The following STXBP6 variants were observed in gnomAD, a reference collection of about 807,000 sequenced individuals.
The protein encoded by STXBP6 is syntaxin binding protein 6.
Under a neutral mutation model 26.9 loss-of-function variants are expected in STXBP6, and 21 were observed. That is an observed-to-expected ratio of 0.78 (90% CI 0.55 to 1.12). The LOEUF is 1.12. Among genes scored for constraint, STXBP6 ranks in the 50% most tolerant of loss-of-function variants. The probability of loss-of-function intolerance (pLI) is 0.00; values close to 1 mark genes in which losing one functional copy is unlikely to be tolerated. For synonymous variants in STXBP6, 97 were observed against 92.6 expected, an observed-to-expected ratio of 1.05 and a Z score of -0.27; for missense variants, 232 against 257.9, an observed-to-expected ratio of 0.90 and a Z score of 0.69.
chr14:25,046,519 T>A (rs1253599653), intron 1 of STXBP6, among the ~76,000 whole-genome samples: 1 of 150,640 alleles, frequency 6.6e-6, no homozygotes, highest in Non-Finnish European at 1.5e-5. Flanking sequence ...AGATAAAGCA[T>A]GACAGTGAGC....
chr14:24,817,137 T>C (rs1397318873), intron 5 of STXBP6: 1 of 152,208 alleles, frequency 6.6e-6, no homozygotes, highest in African/African-American at 2.4e-5. Context: ...ATGACAGCGC[T>C]ATATTCAAAC....
At chr14:24,930,962 T>C (rs1362364994) in intron 2 of STXBP6, among the ~76,000 whole-genome samples, 1 of 138,946 alleles carries the variant, frequency 7.2e-6, no homozygotes, top group Non-Finnish European at 1.5e-5. Context: ...ATACAAAAAA[T>C]TAGCCGGGCG....
chr14:24,921,524 T>C (rs1285187837), intron 2 of STXBP6, among the ~76,000 whole-genome samples: 1 of 152,280 alleles, frequency 6.6e-6, no homozygotes, highest in Non-Finnish European at 1.5e-5. Flanking sequence ...GCATTCCTTT[T>C]GTTTAAATAC....
intron 2 of STXBP6, among the ~76,000 whole-genome samples, chr14:24,958,991 T>C (rs922116676): frequency 6.6e-6 from 1 of 152,088 alleles, no homozygotes; most frequent in East Asian, 1.9e-4. Context: ...GGTCACAGTG[T>C]TTGTCATAAT....
chr14:25,035,718 T>A (rs953532867), intron 1 of STXBP6, among the ~76,000 whole-genome samples: 34 of 152,128 alleles, frequency 2.2e-4, no homozygotes, highest in African/African-American at 7.0e-4. Flanking sequence ...CAGGGAAAAC[T>A]ATGTGAAAAT....
intron 2 of STXBP6, among the ~76,000 whole-genome samples, chr14:24,899,803 A>AAAAAAAAAAAAAAAAAAAAAAGC (rs2071144681): frequency 1.2e-5 from 1 of 80,118 alleles, no homozygotes; most frequent in Non-Finnish European, 2.2e-5. Context: ...AAAAAAAGCA[A>AAAAAAAAAAAAAAAAAAAAAAGC]AAAAAAAAAA....
chr14:24,983,375 A>G (rs937267772), intron 1 of STXBP6, among the ~76,000 whole-genome samples: 2 of 152,248 alleles, frequency 1.3e-5, no homozygotes, highest in Admixed American at 6.5e-5. Context: ...CACTGGAAAT[A>G]GCCAAATCTA....
intron 2 of STXBP6, among the ~76,000 whole-genome samples, chr14:24,858,692 C>A (rs1421502252): frequency 1.3e-5 from 2 of 152,022 alleles, no homozygotes; most frequent in Non-Finnish European, 2.9e-5. Context: ...TAATTCGATT[C>A]ATTTATTTTT....
Position 24,887,477 on chromosome 14 carries a change from C to A in STXBP6, c.155-30320G>T, listed in dbSNP as rs763023652. Among the ~76,000 whole-genome samples, 71 of 152,312 alleles carry A rather than the reference C, an allele frequency of 4.7e-4. 1 individual carries two copies. Among genetic ancestry groups the A allele is most frequent in the Middle Eastern group, 6.8e-3 (2 of 294 alleles). On this transcript the variant is annotated intron_variant, in intron 2 of 5. Coordinates refer to ENST00000323944, the MANE Select transcript of STXBP6 (RefSeq NM_001394410.1). The stretch of plus-strand genomic sequence containing the variant: ...TCCTAAAATCTATATTTGGATTCAA[C>A]AGTCAGTGGTCTCAAACATTAATGG...
At chr14:24,946,894 CT>C (rs2073010983) in intron 2 of STXBP6, among the ~76,000 whole-genome samples, 1 of 152,010 alleles carries the variant, frequency 6.6e-6, no homozygotes, top group South Asian at 2.1e-4. Flanking sequence ...AGGGGCTAGC[CT>C]TTGTAAAGAG....
chr14:24,910,108 C>T (rs1267692819), intron 2 of STXBP6, among the ~76,000 whole-genome samples: 7 of 152,086 alleles, frequency 4.6e-5, no homozygotes, highest in African/African-American at 1.7e-4. Flanking sequence ...CAGCTCTCCT[C>T]AGGTGAAGCA....
intron 4 of STXBP6, among the ~76,000 whole-genome samples, chr14:24,822,607 C>T (rs987892590): frequency 4.6e-5 from 7 of 152,154 alleles, no homozygotes; most frequent in African/African-American, 7.2e-5. Flanking sequence ...ATTTACCTCA[C>T]GTGCCTACTG....
At chr14:24,986,315 G>A (rs1298253195) in intron 1 of STXBP6, among the ~76,000 whole-genome samples, 1 of 152,176 alleles carries the variant, frequency 6.6e-6, no homozygotes, top group Non-Finnish European at 1.5e-5. Context: ...GAACAGCCCA[G>A]GATAGTCCAA....
chr14:24,926,339 C>T (rs543311823), intron 2 of STXBP6, among the ~76,000 whole-genome samples: 4 of 130,382 alleles, frequency 3.1e-5, no homozygotes, highest in South Asian at 5.3e-4. Context: ...TTTCTGAAAC[C>T]GCTTTTCCTG....
At chr14:24,897,309 C>T (rs2139595368) in intron 2 of STXBP6, among the ~76,000 whole-genome samples, 1 of 146,758 alleles carries the variant, frequency 6.8e-6, no homozygotes, top group African/African-American at 2.6e-5. Context: ...ACTCGGGAGG[C>T]TGAGGCAGGA....
chr14:24,879,234 G>A (rs1281619502), intron 2 of STXBP6, among the ~76,000 whole-genome samples: 2 of 152,092 alleles, frequency 1.3e-5, no homozygotes, highest in Non-Finnish European at 2.9e-5. Context: ...TGTAAGATTG[G>A]TTTTGCTATG....
At chr14:24,906,023 A>C (rs915688906) in intron 2 of STXBP6, among the ~76,000 whole-genome samples, 2 of 152,236 alleles carry the variant, frequency 1.3e-5, no homozygotes, top group Non-Finnish European at 2.9e-5. Context: ...TAGAATACTC[A>C]ATCAAACATC....
Position 24,899,812 on chromosome 14 carries a change from A to AAAG in STXBP6, c.155-42656_155-42655insCTT, listed in dbSNP as rs2071146710. Among the ~76,000 whole-genome samples the AAAG allele has an allele frequency of 6.9e-5, 10 of 144,724 alleles. 1 individual carries two copies. The highest frequency in any genetic ancestry group is 1.4e-4 in the African/African-American group (5 of 36,320). 94.9% of individuals were successfully genotyped at this position (144,724 alleles called of 152,430 possible). A position where few individuals can be genotyped will look rare whatever the true frequency, so the allele number is the denominator to read the frequency against. ...AAAAAAAAAAAAAGCAAAAAAAAAA[A>AAAG]AAAAGAGTAACTTACTCAGATATCA... On this transcript the variant is annotated intron_variant, in intron 2 of 5. Transcript: ENST00000323944.
At chr14:24,995,615 A>G (rs965965066) in intron 1 of STXBP6, among the ~76,000 whole-genome samples, 5 of 152,184 alleles carry the variant, frequency 3.3e-5, no homozygotes, top group African/African-American at 1.2e-4. Flanking sequence ...TGGACTTCCT[A>G]ACAAAACTGG....
Sources: gnomAD v4.1 joint callset for allele counts (sites outside exome capture counted in the v4.1 genomes callset) on GRCh38, gnomAD v4.1.1 for gene constraint, MANE v1.5 for transcripts, NCBI Gene and HGNC (gene_info 2026-07-23, HGNC 2026-07-21) for gene names.